NFATC3: variants seen among roughly 807,000 people sequenced by gnomAD.
The protein encoded by NFATC3 is nuclear factor of activated T cells 3.
NFATC3 carries 46 observed loss-of-function variants against 98.6 expected under a neutral mutation model. The observed-to-expected ratio is 0.47, with a 90% CI of 0.37 to 0.60. The LOEUF (loss-of-function observed/expected upper bound fraction) is 0.60. NFATC3 is among the 20% of genes least tolerant of loss of function. The pLI, the probability that NFATC3 is intolerant of heterozygous loss-of-function variation, is 0.00. For synonymous variants in NFATC3, 512 were observed against 472.2 expected (o/e 1.08, Z -1.09); for missense variants, 1,256 against 1,295.5 (o/e 0.97, Z 0.47).
At chr16:68,223,975 G>A (rs1473331426) in intron 9 of NFATC3, among the ~76,000 whole-genome samples, 3 of 150,798 alleles carry the variant, frequency 2.0e-5, no homozygotes, top group East Asian at 3.9e-4. Flanking sequence ...GGCCAGGCGC[G>A]GGGGCTCATG....
Position 68,100,603 on chromosome 16 carries a change from A to C in NFATC3, c.103+14819A>C, listed in dbSNP as rs529593231. Among the ~76,000 whole-genome samples, 8 of 152,072 alleles carry C rather than the reference A, an allele frequency of 5.3e-5. No homozygotes were observed. In the South Asian group the frequency reaches 1.2e-3, roughly 24 times the overall value. The stretch of plus-strand genomic sequence containing the variant: ...ACAAAACAAAACAAACAAAAAAAAA[A>C]ACCAAACCTGCCAAATGTTTTCATT... On this transcript the variant is annotated intron_variant, in intron 1 of 9. Transcript: ENST00000346183.
At chr16:68,105,881 C>G (rs966192862) in intron 1 of NFATC3, among the ~76,000 whole-genome samples, 3 of 150,690 alleles carry the variant, frequency 2.0e-5, no homozygotes, top group Non-Finnish European at 4.5e-5. Flanking sequence ...TCATAGTATT[C>G]TTCTTCTTTT....
At chr16:68,208,811 T>C (rs1163919307) in intron 9 of NFATC3, among the ~76,000 whole-genome samples, 1 of 152,182 alleles carries the variant, frequency 6.6e-6, no homozygotes, top group African/African-American at 2.4e-5. Context: ...TACAACTGAA[T>C]ATTGTGTGTT....
chr16:68,092,190 T>G (rs1461149809), intron 1 of NFATC3, among the ~76,000 whole-genome samples: 4 of 150,480 alleles, frequency 2.7e-5, no homozygotes, highest in African/African-American at 9.8e-5. Flanking sequence ...GCGGTGGCTC[T>G]CACCTGTGTA....
At chr16:68,207,578 C>G (rs1448988252) in intron 9 of NFATC3, among the ~76,000 whole-genome samples, 1 of 152,198 alleles carries the variant, frequency 6.6e-6, no homozygotes, top group Non-Finnish European at 1.5e-5. Flanking sequence ...ATTCTCATGC[C>G]TCAGCCTCCT....
At chr16:68,097,165 T>C (rs904017173) in intron 1 of NFATC3, among the ~76,000 whole-genome samples, 1 of 152,184 alleles carries the variant, frequency 6.6e-6, no homozygotes, top group Admixed American at 6.5e-5. Flanking sequence ...TCAGTTGTGG[T>C]AGGAGAATTA....
At chr16:68,092,484 G>T (rs1267263093) in intron 1 of NFATC3, among the ~76,000 whole-genome samples, 1 of 150,714 alleles carries the variant, frequency 6.6e-6, no homozygotes, top group Non-Finnish European at 1.5e-5. Context: ...ATAAAAGGCT[G>T]GGCACGGTGG....
chr16:68,093,161 T>G (rs2034820852), intron 1 of NFATC3, among the ~76,000 whole-genome samples: 1 of 152,192 alleles, frequency 6.6e-6, no homozygotes, highest in Non-Finnish European at 1.5e-5. Flanking sequence ...GTGAAACCTT[T>G]CCTTCCATCC....
At position 68,191,004 on chromosome 16, in the gene NFATC3, C is replaced by T; in HGVS notation, c.2335C>T (p.His779Tyr). The T allele has an allele frequency of 2.5e-6, 4 of 1,614,208 alleles. No homozygotes were observed. The highest frequency in any genetic ancestry group is 3.4e-6 in the Non-Finnish European group (4 of 1,180,038). Residue 779 changes from histidine (H) to tyrosine (Y), a missense_variant, in exon 9 of 10, where the codon CAT (histidine) becomes TAT (tyrosine). Coordinates refer to ENST00000346183, the MANE Select transcript of NFATC3 (RefSeq NM_173165.3). Reference protein sequence around the residue: ...CRDESVSKEQHMIPSPIVHQP... With the variant: ...CRDESVSKEQYMIPSPIVHQP... Reference sequence around the variant, plus strand: ...AGATGAGAGTGTTAGTAAAGAACAGCATATGATTCCTTCTCCAATTGTACA... The same window carrying T: ...AGATGAGAGTGTTAGTAAAGAACAGTATATGATTCCTTCTCCAATTGTACA...
intron 1 of NFATC3, among the ~76,000 whole-genome samples, chr16:68,098,313 T>A (rs1461516108): frequency 1.8e-3 from 258 of 142,852 alleles, no homozygotes; most frequent in East Asian, 0.018. Context: ...TTTTTTTTTT[T>A]TTTTTTAGAT....
At chr16:68,146,339 A>G (rs55790290) in intron 3 of NFATC3, among the ~76,000 whole-genome samples, 18,030 of 151,940 alleles carry the variant, frequency 0.12, 1,216 homozygotes, top group South Asian at 0.2. Flanking sequence ...GACTGAGGCA[A>G]GAGGATCACT....
At chr16:68,148,340 T>A (rs567224212) in intron 3 of NFATC3, among the ~76,000 whole-genome samples, 17 of 152,228 alleles carry the variant, frequency 1.1e-4, no homozygotes, top group African/African-American at 4.1e-4. Context: ...GTTATTGTGA[T>A]GATATTGACA....
At chr16:68,183,777 G>A (rs2040045573) in intron 8 of NFATC3, among the ~76,000 whole-genome samples, 1 of 152,058 alleles carries the variant, frequency 6.6e-6, no homozygotes, top group Non-Finnish European at 1.5e-5. Flanking sequence ...GCCGAGGCGG[G>A]AGGATCACCT....
At chr16:68,174,631 T>C in intron 6 of NFATC3, 117 bp downstream of exon 6, 1 of 760,302 alleles carries the variant, frequency 1.3e-6, no homozygotes, top group Non-Finnish European at 1.9e-6. Flanking sequence ...TGGGTGTCAT[T>C]TTGCACTTGA....
chr16:68,149,578 T>C (rs542813946), intron 3 of NFATC3, among the ~76,000 whole-genome samples: 1 of 152,292 alleles, frequency 6.6e-6, no homozygotes, highest in Non-Finnish European at 1.5e-5. Flanking sequence ...AAAGATAATA[T>C]ATCTAACCTT....
intron 9 of NFATC3, among the ~76,000 whole-genome samples, chr16:68,220,350 C>T (rs1318043855): frequency 6.6e-6 from 1 of 151,998 alleles, no homozygotes; most frequent in East Asian, 1.9e-4. Flanking sequence ...ATGGCAGAAA[C>T]CTCGTTTCTA....
intron 1 of NFATC3, among the ~76,000 whole-genome samples, chr16:68,090,889 C>A (rs972287138): frequency 6.6e-6 from 1 of 152,018 alleles, no homozygotes; most frequent in Non-Finnish European, 1.5e-5. Flanking sequence ...ACGACTGAGT[C>A]GATAATAAAT....
intron 3 of NFATC3, among the ~76,000 whole-genome samples, chr16:68,154,869 G>C (rs2038527560): frequency 6.6e-6 from 1 of 152,154 alleles, no homozygotes; most frequent in African/African-American, 2.4e-5. Context: ...TTCTAAATGT[G>C]GAGGGAAGCC....
intron 1 of NFATC3, among the ~76,000 whole-genome samples, chr16:68,099,964 G>A (rs558681011): frequency 6.6e-6 from 1 of 152,076 alleles, no homozygotes; most frequent in African/African-American, 2.4e-5. Context: ...GTGAGCCACC[G>A]TGCCAGGCCC....
Sources: allele counts gnomAD v4.1 joint callset (sites outside exome capture counted in the v4.1 genomes callset), GRCh38; gene constraint gnomAD v4.1.1; transcripts MANE v1.5; gene names NCBI Gene and HGNC (gene_info 2026-07-23, HGNC 2026-07-21).